Variants in CREB1 observed in about 807,000 individuals in gnomAD.
CREB1 encodes cAMP responsive element binding protein 1.
Under a neutral mutation model 42.0 loss-of-function variants are expected in CREB1, and 2 were observed. The observed-to-expected ratio is 0.05, with a 90% confidence interval of 0.02 to 0.15. CREB1 has a LOEUF of 0.15. CREB1 is among the 10% of genes least tolerant of loss of function. The pLI is 1.00. For synonymous variants in CREB1, 123 were observed against 139.9 expected, an observed-to-expected ratio of 0.88 and a Z score of 0.85; for missense variants, 199 against 388.9, an observed-to-expected ratio of 0.51 and a Z score of 4.11.
chr2:207,581,288 TAA>T (rs1260399027), intron 7 of CREB1: 6 of 196,522 alleles, frequency 3.1e-5, no homozygotes, highest in Non-Finnish European at 6.3e-5. Context: ...TGAAAAATTC[TAA>T]AAAAATTAAA....
intron 1 of CREB1, among the ~76,000 whole-genome samples, chr2:207,543,450 A>AT (rs1574778845): frequency 1.3e-5 from 2 of 152,070 alleles, no homozygotes; most frequent in South Asian, 2.1e-4. Context: ...TCATTCCTTC[A>AT]TTTTTTACAA....
Position 207,603,139 on chromosome 2 carries a change from A to T in CREB1, c.*6081A>T, listed in dbSNP as rs569856542. On this transcript the variant is annotated 3_prime_UTR_variant, in exon 8 of 8. Coordinates refer to ENST00000353267, the MANE Select transcript of CREB1 (RefSeq NM_004379.5). ...AAATACATTTCTAATAAAATTCCCT[A>T]CATTCTAGAAACATCCCTGTTTTAA... 1 of 211,030 alleles carries T rather than the reference A, an allele frequency of 4.7e-6. No individual in the cohort carries two copies. The highest frequency in any genetic ancestry group is 1.9e-4 in the South Asian group (1 of 5,360). 13.1% of individuals were successfully genotyped at this position (211,030 alleles called of 1,614,324 possible).
intron 5 of CREB1, chr2:207,571,666 G>T (rs745866048): frequency 9.5e-5 from 42 of 443,752 alleles, no homozygotes; most frequent in Non-Finnish European, 1.8e-4. Flanking sequence ...CATACCAGAT[G>T]CTTTTAGTTA....
chr2:207,568,719 G>A (rs1462820808), intron 4 of CREB1, among the ~76,000 whole-genome samples: 1 of 151,960 alleles, frequency 6.6e-6, no homozygotes, highest in Admixed American at 6.6e-5. Flanking sequence ...CTTGGGTTAG[G>A]GTTTTTAGGG....
At chr2:207,581,873 G>A (rs1288882701) in intron 7 of CREB1, 1 of 702,626 alleles carries the variant, frequency 1.4e-6, no homozygotes, top group African/African-American at 1.7e-5. Context: ...GTCTTTGATG[G>A]CCTTGTAACT....
intron 1 of CREB1, among the ~76,000 whole-genome samples, chr2:207,540,631 T>A (rs1222400440): frequency 8.0e-6 from 1 of 125,000 alleles, no homozygotes; most frequent in African/African-American, 3.2e-5. Flanking sequence ...TGAGACCCTG[T>A]GTCAAAAAAA....
rs953540573 is a variant in CREB1 at position 207,572,185 on chromosome 2, C to G, written c.505+1864C>G. Among the ~76,000 whole-genome samples the G allele has an allele frequency of 4.1e-5, 6 of 145,708 alleles. No individual in the cohort carries two copies. In the Admixed American group the frequency reaches 4.2e-4, roughly 10 times the overall value. On this transcript the variant is annotated intron_variant, in intron 5 of 7. Coordinates refer to ENST00000353267, the MANE Select transcript of CREB1 (RefSeq NM_004379.5). ...AGCTGGCAGTGAGCTGAGATCACAC[C>G]ACTGCACTCCAGCCTGGGTGGCAGA...
chr2:207,603,553 A>C lies in CREB1; in HGVS notation c.*6495A>C. On this transcript the variant is annotated 3_prime_UTR_variant, in exon 8 of 8. Transcript: ENST00000353267. ...ATATTACAAGCTTGTGTTGGAAGGC[A>C]GCAAAACTAATTCAGACAACAACAT... The C allele has an allele frequency of 4.5e-6, 1 of 223,884 alleles. No individual in the cohort carries two copies. The highest frequency in any genetic ancestry group is 8.9e-6 in the Non-Finnish European group (1 of 112,180). 13.9% of individuals were successfully genotyped at this position (223,884 alleles called of 1,614,324 possible).
rs2087358952 is a variant in CREB1, at chr2:207,603,021, T to TC, written c.*5968dup. ...TTTGAGGGTTGGGGTAAAGAAGACT[T>TC]CCCCCACAACTGTCAGCACAAAACA... On this transcript the variant is annotated 3_prime_UTR_variant, in exon 8 of 8. Coordinates refer to ENST00000353267, the MANE Select transcript of CREB1 (RefSeq NM_004379.5). 4.7e-6 allele frequency: 1 copy of TC among 214,140 alleles called. No individual in the cohort carries two copies. The allele number at this position is 214,140 out of a possible 1,614,324, so 13.3% of individuals were successfully genotyped here. A position where few individuals can be genotyped will look rare whatever the true frequency, so the allele number is the denominator to read the frequency against.
In CREB1 at chr2:207,597,108, C is replaced by T; in HGVS notation, c.*50C>T. The T allele has an allele frequency of 1.3e-6, 2 of 1,525,862 alleles. No homozygotes were observed. The highest frequency in any genetic ancestry group is 8.8e-7 in the Non-Finnish European group (1 of 1,139,240). 94.5% of individuals were successfully genotyped at this position (1,525,862 alleles called of 1,614,324 possible). A position where few individuals can be genotyped will look rare whatever the true frequency, so the allele number is the denominator to read the frequency against. ...TAAGGTGGAAAATGGACTGGCTTGG[C>T]CACAACCTGAAAGACAAAATAAACA... On this transcript the variant is annotated 3_prime_UTR_variant, in exon 8 of 8. Transcript: ENST00000353267.
chr2:207,557,992 T>G (rs181002083), intron 2 of CREB1, among the ~76,000 whole-genome samples: 10 of 152,310 alleles, frequency 6.6e-5, no homozygotes, highest in Admixed American at 2.0e-4. Context: ...TTCTCAAACT[T>G]CAGTGTACGG....
At chr2:207,552,805 C>T (rs528457351) in intron 1 of CREB1, among the ~76,000 whole-genome samples, 11 of 151,680 alleles carry the variant, frequency 7.3e-5, no homozygotes, top group Non-Finnish European at 1.2e-4. Flanking sequence ...TAGTAGAGAC[C>T]GGGTTTCACC....
chr2:207,577,550 C>T lies in CREB1; in HGVS notation c.734C>T (p.Thr245Ile). 1.2e-6 allele frequency: 2 copies of T among 1,614,118 alleles called. No individual in the cohort carries two copies. The highest frequency in any genetic ancestry group is 1.7e-6 in the Non-Finnish European group (2 of 1,179,972). The change falls in exon 7 of 8, where the codon ACT (threonine) becomes ATT (isoleucine). Residue 245 changes from threonine (T) to isoleucine (I), a missense_variant. Transcript: ENST00000353267. ...ACATACCAGATTCGCACAGCACCCA[C>T]TAGCACTATTGCCCCTGGAGTTGTT... ...VQTYQIRTAP[T>I]STIAPGVVMA...
intron 1 of CREB1, among the ~76,000 whole-genome samples, chr2:207,538,713 T>C (rs1022717030): frequency 1.3e-5 from 2 of 152,120 alleles, no homozygotes; most frequent in African/African-American, 4.8e-5. Flanking sequence ...AGGAGTAGAG[T>C]GGATCTGAAA....
rs1455639633 is a variant in CREB1, at chr2:207,603,712, G to T, written c.*6654G>T. Among the ~76,000 whole-genome samples, 3 of 152,162 alleles carry T rather than the reference G, an allele frequency of 2.0e-5. No individual in the cohort carries two copies. The highest frequency in any genetic ancestry group is 4.8e-5 in the African/African-American group (2 of 41,440). On this transcript the variant is annotated 3_prime_UTR_variant, in exon 8 of 8. Transcript: ENST00000353267. ...AGACATACGACCAGCTGTGTCTGAT[G>T]TCATAAAACACGTGTTCACTGAAAG... is the stretch of plus-strand genomic sequence containing the variant.
At chr2:207,545,033 A>G (rs2081244685) in intron 1 of CREB1, among the ~76,000 whole-genome samples, 1 of 152,152 alleles carries the variant, frequency 6.6e-6, no homozygotes, top group Admixed American at 6.6e-5. Context: ...ATATGCGTGC[A>G]TGTATTGTTA....
intron 4 of CREB1, among the ~76,000 whole-genome samples, chr2:207,569,517 C>T (rs2082269657): frequency 6.6e-6 from 1 of 151,444 alleles, no homozygotes; most frequent in Non-Finnish European, 1.5e-5. Context: ...ATCTTTTTTC[C>T]CTTTAGTTGA....
chr2:207,584,695 C>G (rs181017193), intron 7 of CREB1, among the ~76,000 whole-genome samples: 31 of 152,300 alleles, frequency 2.0e-4, no homozygotes, highest in Non-Finnish European at 3.7e-4. Context: ...AGCTACTGTG[C>G]CCAGCCTTCA....
intron 6 of CREB1, chr2:207,577,288 A>C: frequency 9.5e-7 from 1 of 1,049,438 alleles, no homozygotes; most frequent in Non-Finnish European, 1.3e-6. Flanking sequence ...TGTAAGATCC[A>C]GCGGACATAG....
Sources: gnomAD v4.1 joint callset for allele counts (sites outside exome capture counted in the v4.1 genomes callset) on GRCh38, gnomAD v4.1.1 for gene constraint, MANE v1.5 for transcripts, NCBI Gene and HGNC (gene_info 2026-07-23, HGNC 2026-07-21) for gene names.